The following STK32B variants were observed in gnomAD, a reference collection of about 807,000 sequenced individuals.
STK32B encodes the protein serine/threonine-protein kinase 32B.
Under a neutral mutation model 52.6 loss-of-function variants are expected in STK32B, and 43 were observed. The ratio of observed to expected loss-of-function variants is 0.82; its 90% CI spans 0.64 to 1.05. The LOEUF is 1.05. Among genes scored for constraint, STK32B ranks in the 50% least tolerant of loss-of-function variants. The pLI is 0.00. For missense variants in STK32B, 621 were observed against 534.6 expected (o/e 1.16, Z -1.59); for synonymous variants, 238 against 204.3 (o/e 1.17, Z -1.41).
Position 5,168,308 on chromosome 4 carries a change from G to T in STK32B, c.118G>T (p.Val40Leu). The T allele has an allele frequency of 5.6e-6, 9 of 1,613,680 alleles. No individual in the cohort carries two copies. The highest frequency in any genetic ancestry group is 7.6e-6 in the Non-Finnish European group (9 of 1,179,876). Residue 40 changes from valine to leucine, a missense_variant, in exon 3 of 12, where the codon GTG (valine) becomes TTG (leucine). By Grantham distance (32) the Val-to-Leu change is conservative (BLOSUM62 1). Coordinates refer to ENST00000282908, the MANE Select transcript of STK32B (RefSeq NM_018401.3). ...TTTGGCTGTCGCTCAGGTATGCATC[G>T]TGCAGAAGCGAGACACTAAGAAAAT... ...GKGSFGKVCIVQKRDTKKMYA... is the reference protein window; with the variant it reads ...GKGSFGKVCILQKRDTKKMYA...
At chr4:5,140,893 G>A (rs977055388) in intron 2 of STK32B, among the ~76,000 whole-genome samples, 15 of 152,198 alleles carry the variant, frequency 9.9e-5, no homozygotes, top group East Asian at 7.7e-4. Flanking sequence ...TTCTCATAGT[G>A]CTTATATTTA....
intron 1 of STK32B, among the ~76,000 whole-genome samples, chr4:5,081,673 C>T (rs1000679713): frequency 1.3e-5 from 2 of 151,906 alleles, no homozygotes; most frequent in Non-Finnish European, 2.9e-5. Flanking sequence ...TTGCTGTTGT[C>T]TGTTGTGTTT....
chr4:5,347,086 G>A (rs970099072), intron 4 of STK32B, among the ~76,000 whole-genome samples: 7 of 152,104 alleles, frequency 4.6e-5, no homozygotes, highest in South Asian at 2.1e-4. Context: ...GGGATTATGG[G>A]GATTACAATG....
chr4:5,420,143 G>T (rs1419817986), intron 6 of STK32B, among the ~76,000 whole-genome samples: 1 of 152,134 alleles, frequency 6.6e-6, no homozygotes, highest in Non-Finnish European at 1.5e-5. Flanking sequence ...GACATTGTTG[G>T]CAAGAGTCAG....
intron 4 of STK32B, among the ~76,000 whole-genome samples, chr4:5,383,696 A>T (rs1736069426): frequency 6.6e-6 from 1 of 152,104 alleles, no homozygotes; most frequent in Non-Finnish European, 1.5e-5. Flanking sequence ...TAGGCAGTGG[A>T]CTCACCCTGA....
At chr4:5,447,918 C>T (rs1715614655) in intron 7 of STK32B, among the ~76,000 whole-genome samples, 1 of 152,220 alleles carries the variant, frequency 6.6e-6, no homozygotes, top group African/African-American at 2.4e-5. Context: ...CCACAGGCTA[C>T]AGTTTTAATG....
intron 3 of STK32B, among the ~76,000 whole-genome samples, chr4:5,311,253 TA>T (rs571700934): frequency 1.5e-3 from 226 of 152,284 alleles, no homozygotes; most frequent in African/African-American, 5.0e-3. Flanking sequence ...AAAGAAATGA[TA>T]AACCTTTGAG....
intron 3 of STK32B, among the ~76,000 whole-genome samples, chr4:5,275,626 A>G (rs1289368808): frequency 6.6e-6 from 1 of 150,940 alleles, no homozygotes; most frequent in African/African-American, 2.4e-5. Flanking sequence ...GATTGCCATC[A>G]TTGCACCCCC....
chr4:5,215,216 G>A (rs1277939340), intron 3 of STK32B, among the ~76,000 whole-genome samples: 2 of 152,168 alleles, frequency 1.3e-5, no homozygotes, highest in Non-Finnish European at 2.9e-5. Flanking sequence ...TTTTAACTGG[G>A]TTCTAAGTCA....
At chr4:5,329,437 C>G (rs1469640107) in intron 3 of STK32B, among the ~76,000 whole-genome samples, 6 of 152,200 alleles carry the variant, frequency 3.9e-5, no homozygotes, top group Non-Finnish European at 5.9e-5. Flanking sequence ...GTCTGAGTCA[C>G]ACAGCCTGTG....
intron 1 of STK32B, among the ~76,000 whole-genome samples, chr4:5,090,537 G>A (rs1303785955): frequency 6.6e-6 from 1 of 151,836 alleles, no homozygotes; most frequent in African/African-American, 2.4e-5. Flanking sequence ...CTAATTTTTT[G>A]TATTTTTAGT....
chr4:5,089,014 T>C (rs1262593249), intron 1 of STK32B, among the ~76,000 whole-genome samples: 1 of 151,972 alleles, frequency 6.6e-6, no homozygotes, highest in African/African-American at 2.4e-5. Flanking sequence ...AAATTTGCTC[T>C]TGGAAGAGGT....
intron 3 of STK32B, among the ~76,000 whole-genome samples, chr4:5,270,628 A>G (rs963370279): frequency 6.6e-6 from 1 of 152,228 alleles, no homozygotes; most frequent in African/African-American, 2.4e-5. Flanking sequence ...AATTGAATGC[A>G]TTCCCCCTGA....
chr4:5,063,432 T>A (rs562131081), intron 1 of STK32B, among the ~76,000 whole-genome samples: 3 of 152,250 alleles, frequency 2.0e-5, no homozygotes, highest in Admixed American at 6.5e-5. Flanking sequence ...AACCTCCACC[T>A]CCCAGGCTCT....
intron 1 of STK32B, among the ~76,000 whole-genome samples, chr4:5,081,204 A>C (rs1029440844): frequency 2.0e-5 from 3 of 152,058 alleles, no homozygotes; most frequent in Admixed American, 6.6e-5. Context: ...TACATACCAA[A>C]TTTACTTCAT....
chr4:5,412,545 ACCC>A lies in STK32B; in HGVS notation c.473-4299_473-4297del, dbSNP rs1225669022. ...GAGGTAACGAGATCAGGACTGTTTG[ACCC>A]AGCTCTGTAGGAGGAGAGTGGGACG... On this transcript the variant is annotated intron_variant, in intron 5 of 11. Transcript: ENST00000282908. Among the ~76,000 whole-genome samples, 5 of 152,208 alleles carry A rather than the reference ACCC, an allele frequency of 3.3e-5. No individual in the cohort carries two copies. The East Asian group carries it at 9.7e-4, about 29-fold the overall frequency.
intron 1 of STK32B, among the ~76,000 whole-genome samples, chr4:5,082,289 C>T (rs184021804): frequency 1.5e-3 from 227 of 152,284 alleles, no homozygotes; most frequent in African/African-American, 5.2e-3. Context: ...TCTACATGTG[C>T]TCATGAGTCT....
At chr4:5,177,468 C>T (rs975130964) in intron 3 of STK32B, among the ~76,000 whole-genome samples, 1 of 152,136 alleles carries the variant, frequency 6.6e-6, no homozygotes, top group South Asian at 2.1e-4. Context: ...ACAGCCAAAC[C>T]ATATCATTCT....
chr4:5,331,412 G>A lies in STK32B; in HGVS notation c.434+19G>A. ...TCCACAGGTAACTGGGCTGCTGGCGGGATGCCTGGGACAGAGGGACCATGG... is the reference window on the plus strand; with the variant it reads ...TCCACAGGTAACTGGGCTGCTGGCGAGATGCCTGGGACAGAGGGACCATGG... On this transcript the variant is annotated intron_variant, in intron 4 of 11. Coordinates refer to ENST00000282908, the MANE Select transcript of STK32B (RefSeq NM_018401.3). 1 of 1,596,534 alleles carries A rather than the reference G, an allele frequency of 6.3e-7. No individual in the cohort carries two copies. The highest frequency in any genetic ancestry group is 8.5e-7 in the Non-Finnish European group (1 of 1,169,954).
Sources: allele counts gnomAD v4.1 joint callset (sites outside exome capture counted in the v4.1 genomes callset), GRCh38; gene constraint gnomAD v4.1.1; transcripts MANE v1.5; gene names NCBI Gene and HGNC (gene_info 2026-07-23, HGNC 2026-07-21).